Variants in INPP4B observed in about 807,000 individuals in gnomAD.
The protein encoded by INPP4B is inositol polyphosphate 4-phosphatase type II.
INPP4B carries 55 observed loss-of-function variants against 122.5 expected under a neutral mutation model. The observed-to-expected ratio is 0.45, with a 90% CI of 0.36 to 0.56. The LOEUF (loss-of-function observed/expected upper bound fraction) is 0.56, where lower values mean the gene tolerates loss of function less well. Among genes scored for constraint, INPP4B ranks in the 20% least tolerant of loss-of-function variants. The pLI is 0.00. For missense variants in INPP4B, 1,000 were observed against 1,097.7 expected, an observed-to-expected ratio of 0.91 and a Z score of 1.26; for synonymous variants, 403 against 388.7, an observed-to-expected ratio of 1.04 and a Z score of -0.43.
chr4:142,484,064 G>C (rs1820916974), intron 2 of INPP4B, among the ~76,000 whole-genome samples: 1 of 152,086 alleles, frequency 6.6e-6, no homozygotes, highest in African/African-American at 2.4e-5. Context: ...TACAATTAAA[G>C]AAGATGCAGA....
At chr4:142,122,025 G>T in intron 21 of INPP4B, 103 bp downstream of exon 21, 1 of 735,888 alleles carries the variant, frequency 1.4e-6, no homozygotes. Flanking sequence ...AAAAACAAAA[G>T]AAATATTCCC....
intron 2 of INPP4B, among the ~76,000 whole-genome samples, chr4:142,637,226 G>A (rs879508388): frequency 6.6e-6 from 1 of 152,040 alleles, no homozygotes; most frequent in Non-Finnish European, 1.5e-5. Context: ...GTTTACCTTA[G>A]GATTCACTCT....
intron 3 of INPP4B, among the ~76,000 whole-genome samples, chr4:142,452,128 C>G (rs1186857097): frequency 6.6e-6 from 1 of 152,142 alleles, no homozygotes; most frequent in Admixed American, 6.5e-5. Context: ...TGTTCAGTTC[C>G]CACGAATGAG....
At chr4:142,591,658 T>C (rs1737527975) in intron 2 of INPP4B, among the ~76,000 whole-genome samples, 1 of 152,158 alleles carries the variant, frequency 6.6e-6, no homozygotes, top group Non-Finnish European at 1.5e-5. Flanking sequence ...TGGGAGGTCC[T>C]GACAAACACT....
intron 9 of INPP4B, among the ~76,000 whole-genome samples, chr4:142,278,577 A>G (rs111276280): frequency 3.3e-5 from 5 of 151,964 alleles, no homozygotes; most frequent in African/African-American, 1.2e-4. Flanking sequence ...AGAAGCTATG[A>G]TCCCAAGATA....
At chr4:142,682,706 C>A (rs775587016) in intron 2 of INPP4B, among the ~76,000 whole-genome samples, 1 of 151,812 alleles carries the variant, frequency 6.6e-6, no homozygotes, top group Non-Finnish European at 1.5e-5. Flanking sequence ...TGTCCTCCAT[C>A]CAGGGACTCT....
intron 21 of INPP4B, among the ~76,000 whole-genome samples, chr4:142,117,939 G>A (rs933680063): frequency 6.6e-6 from 1 of 152,168 alleles, no homozygotes; most frequent in Non-Finnish European, 1.5e-5. Flanking sequence ...GGCAACTTCA[G>A]CAAAGTCTCA....
rs1810377703 is a variant in INPP4B, at chr4:142,145,781, T to C, written c.1720+59A>G. On this transcript the variant is annotated intron_variant, in intron 18 of 25. Transcript: ENST00000262992. ...CCTCTTCTTCTATATCATTTTTTTT[T>C]CACGAGTTTCTCATTTTGTTTACTC... 5 of 1,532,358 alleles carry C rather than the reference T, an allele frequency of 3.3e-6. No homozygotes were observed. The South Asian group carries it at 3.5e-5, about 11-fold the overall frequency. 94.9% of individuals were successfully genotyped at this position (1,532,358 alleles called of 1,614,324 possible).
chr4:142,185,617 T>C (rs1030056717), intron 15 of INPP4B, among the ~76,000 whole-genome samples: 1 of 151,922 alleles, frequency 6.6e-6, no homozygotes, highest in Non-Finnish European at 1.5e-5. Context: ...CGGTGGCTCA[T>C]GCCGGTAATC....
chr4:142,783,330 C>T (rs911220787), intron 1 of INPP4B, among the ~76,000 whole-genome samples: 1 of 152,066 alleles, frequency 6.6e-6, no homozygotes, highest in Admixed American at 6.6e-5. Flanking sequence ...AAAAAACAAA[C>T]AACCCCTTCA....
At chr4:142,454,865 G>A (rs1815056967) in intron 3 of INPP4B, among the ~76,000 whole-genome samples, 1 of 151,994 alleles carries the variant, frequency 6.6e-6, no homozygotes, top group Admixed American at 6.6e-5. Context: ...ACTTCACACT[G>A]AGTAGGAGTA....
At chr4:142,471,416 C>A (rs982580716) in intron 2 of INPP4B, among the ~76,000 whole-genome samples, 2 of 152,196 alleles carry the variant, frequency 1.3e-5, no homozygotes, top group Non-Finnish European at 2.9e-5. Context: ...ACATTTGGAA[C>A]ATCTCTCCTA....
intron 2 of INPP4B, among the ~76,000 whole-genome samples, chr4:142,675,781 T>C (rs114476042): frequency 2.0e-5 from 3 of 152,158 alleles, no homozygotes; most frequent in African/African-American, 7.2e-5. Flanking sequence ...GAAAAGGACT[T>C]TGACAAAACT....
intron 3 of INPP4B, among the ~76,000 whole-genome samples, chr4:142,433,168 G>A (rs1343095743): frequency 6.6e-6 from 1 of 152,144 alleles, no homozygotes; most frequent in South Asian, 2.1e-4. Flanking sequence ...ACACACTTCA[G>A]AAGGAATTAG....
chr4:142,738,749 A>C (rs1446449154), intron 1 of INPP4B, among the ~76,000 whole-genome samples: 1 of 152,162 alleles, frequency 6.6e-6, no homozygotes, highest in Admixed American at 6.6e-5. Context: ...TACAGAACTG[A>C]CATACTTTAG....
intron 9 of INPP4B, among the ~76,000 whole-genome samples, chr4:142,285,952 G>C (rs1299870707): frequency 6.6e-6 from 1 of 152,066 alleles, no homozygotes; most frequent in Non-Finnish European, 1.5e-5. Context: ...AACTTGTTCT[G>C]CTCTGTAGTC....
chr4:142,066,641 A>G (rs1430642305), intron 25 of INPP4B, among the ~76,000 whole-genome samples: 1 of 152,182 alleles, frequency 6.6e-6, no homozygotes, highest in East Asian at 1.9e-4. Flanking sequence ...GTGCTTTTCC[A>G]ATGGTCTTAG....
At chr4:142,139,912 C>T (rs1467105871) in intron 18 of INPP4B, among the ~76,000 whole-genome samples, 1 of 152,100 alleles carries the variant, frequency 6.6e-6, no homozygotes, top group Non-Finnish European at 1.5e-5. Flanking sequence ...TCTTGGCTTC[C>T]AGTGATCCAC....
intron 2 of INPP4B, among the ~76,000 whole-genome samples, chr4:142,472,955 A>G (rs1819151586): frequency 6.6e-6 from 1 of 152,228 alleles, no homozygotes; most frequent in Non-Finnish European, 1.5e-5. Flanking sequence ...AACTCTGGGA[A>G]TACCAATTAT....
Sources: allele counts gnomAD v4.1 joint callset (sites outside exome capture counted in the v4.1 genomes callset), GRCh38; gene constraint gnomAD v4.1.1; transcripts MANE v1.5; gene names NCBI Gene and HGNC (gene_info 2026-07-23, HGNC 2026-07-21).